Variants in PDE10A observed in about 807,000 individuals in gnomAD.
PDE10A encodes cAMP and cAMP-inhibited cGMP 3',5'-cyclic phosphodiesterase 10A.
A neutral mutation model predicts 97.7 loss-of-function variants in PDE10A; 39 were observed. That is an observed-to-expected ratio of 0.40 (90% CI 0.31 to 0.52). The LOEUF (loss-of-function observed/expected upper bound fraction) is 0.52, where lower values mean the gene tolerates loss of function less well. PDE10A is among the 20% of genes least tolerant of loss of function. The pLI, the probability that PDE10A is intolerant of heterozygous loss-of-function variation, is 0.56. For synonymous variants in PDE10A, 371 were observed against 376.8 expected (o/e 0.98, Z 0.18); for missense variants, 731 against 1,047.8 (o/e 0.70, Z 4.17).
intron 1 of PDE10A, among the ~76,000 whole-genome samples, chr6:165,880,806 T>C (rs1290135579): frequency 6.6e-6 from 1 of 152,236 alleles, no homozygotes; most frequent in Non-Finnish European, 1.5e-5. Context: ...GGCAAAATGC[T>C]ACAAGTGATT....
rs1160540493 is a variant in PDE10A, at chr6:165,662,878, G to A, written c.-67C>T. Among the ~76,000 whole-genome samples, 3 of 150,724 alleles carry A rather than the reference G, an allele frequency of 2.0e-5. No individual in the cohort carries two copies. The highest frequency in any genetic ancestry group is 3.0e-5 in the Non-Finnish European group (2 of 67,420). On this transcript the variant is annotated 5_prime_UTR_variant, in exon 1 of 22. Transcript: ENST00000539869. ...GGGGCGCGGCGGGCCGGGGCTCGGT[G>A]GGCTCCGCCCCCGCAGGACCTGCCC... is the stretch of plus-strand genomic sequence containing the variant.
At chr6:165,942,779 C>G (rs1387809863) in intron 1 of PDE10A, among the ~76,000 whole-genome samples, 1 of 152,114 alleles carries the variant, frequency 6.6e-6, no homozygotes, top group East Asian at 1.9e-4. Context: ...CGACAAGGCC[C>G]TCCAGGAGGA....
At chr6:165,926,726 C>G (rs1212959912) in intron 1 of PDE10A, among the ~76,000 whole-genome samples, 1 of 152,126 alleles carries the variant, frequency 6.6e-6, no homozygotes, top group Non-Finnish European at 1.5e-5. Context: ...GTCAGACAGG[C>G]TGGGCTCCAC....
chr6:165,352,234 TTCTA>T (rs1183262690), intron 18 of PDE10A, among the ~76,000 whole-genome samples: 1 of 152,222 alleles, frequency 6.6e-6, no homozygotes, highest in African/African-American at 2.4e-5. Flanking sequence ...AGTTGCACCT[TTCTA>T]TCTACTTATG....
intron 18 of PDE10A, among the ~76,000 whole-genome samples, chr6:165,378,932 C>T (rs1784774170): frequency 6.6e-6 from 1 of 152,188 alleles, no homozygotes; most frequent in African/African-American, 2.4e-5. Flanking sequence ...CCAGCCTTTC[C>T]TTTGAAAGTT....
rs954488595 is a variant in PDE10A at position 165,655,105 on chromosome 6, C to T, written c.865+6842G>A. 1.3e-5 allele frequency among the ~76,000 whole-genome samples: 2 copies of T among 152,190 alleles called. No homozygotes were observed. Among genetic ancestry groups the T allele is most frequent in the Non-Finnish European group, 2.9e-5 (2 of 68,034 alleles). On this transcript the variant is annotated intron_variant, in intron 1 of 21. Coordinates refer to ENST00000539869, the MANE Select transcript of PDE10A (RefSeq NM_001385079.1). The surrounding 1 kb of genome is among the most constrained non-coding windows in gnomAD (Gnocchi z 4.5). ...GGCCGTCCGTTCGCGTGTCAAACTT[C>T]AGCCAGGCACTTACATTGCACCCAG... is the stretch of plus-strand genomic sequence containing the variant.
At chr6:165,633,179 A>T (rs1293007537) in intron 1 of PDE10A, among the ~76,000 whole-genome samples, 1 of 152,180 alleles carries the variant, frequency 6.6e-6, no homozygotes, top group Non-Finnish European at 1.5e-5. Flanking sequence ...TGGTTTAGAC[A>T]TCTATAAGAT....
At chr6:165,709,264 A>C (rs1216976937) in intron 1 of PDE10A, among the ~76,000 whole-genome samples, 2 of 65,386 alleles carry the variant, frequency 3.1e-5, no homozygotes, top group Non-Finnish European at 5.9e-5. Context: ...CTCCATCCCC[A>C]TGCTGCCACG....
chr6:165,766,359 A>C (rs1391768846), intron 1 of PDE10A, among the ~76,000 whole-genome samples: 1 of 152,256 alleles, frequency 6.6e-6, no homozygotes, highest in East Asian at 1.9e-4. Context: ...ATGTAGTTAC[A>C]TATTGCTTAT....
At chr6:165,381,498 A>T (rs1424467116) in intron 17 of PDE10A, among the ~76,000 whole-genome samples, 1 of 152,138 alleles carries the variant, frequency 6.6e-6, no homozygotes, top group African/African-American at 2.4e-5. Flanking sequence ...TCTTTGAGAC[A>T]GAGTCTCGCT....
rs1783485167 is a variant in PDE10A, at chr6:165,362,488, A to G, written c.2783+16706T>C. On this transcript the variant is annotated intron_variant, in intron 18 of 21. Transcript: ENST00000539869. ...AAAATGGACAAATTTCTAGAAAGAC[A>G]CAAGTGACTAAATATGACATAAGAA... 2.0e-5 allele frequency among the ~76,000 whole-genome samples: 3 copies of G among 152,232 alleles called. No homozygotes were observed. The South Asian group carries it at 6.2e-4, about 31-fold the overall frequency.
chr6:165,400,862 AACT>A (rs913092040), intron 13 of PDE10A, among the ~76,000 whole-genome samples: 18 of 152,356 alleles, frequency 1.2e-4, no homozygotes, highest in African/African-American at 3.6e-4. Context: ...CCATACAATA[AACT>A]ACTACTAAGT....
At chr6:165,842,176 A>G (rs1172344806) in intron 1 of PDE10A, among the ~76,000 whole-genome samples, 1 of 152,256 alleles carries the variant, frequency 6.6e-6, no homozygotes, top group Non-Finnish European at 1.5e-5. Context: ...GACATATTAA[A>G]AACTTGAAAG....
intron 1 of PDE10A, among the ~76,000 whole-genome samples, chr6:165,943,919 C>G (rs1261777060): frequency 6.6e-6 from 1 of 152,236 alleles, no homozygotes; most frequent in African/African-American, 2.4e-5. Context: ...ACCGGCTGCA[C>G]AGCTCTGTGC....
chr6:165,814,191 A>C (rs1779350628), intron 1 of PDE10A, among the ~76,000 whole-genome samples: 1 of 152,168 alleles, frequency 6.6e-6, no homozygotes, highest in Non-Finnish European at 1.5e-5. Context: ...GGGACTGTGG[A>C]CCTGCAGGTG....
chr6:165,969,819 G>T (rs915107362), intron 1 of PDE10A, among the ~76,000 whole-genome samples: 2 of 152,158 alleles, frequency 1.3e-5, no homozygotes, highest in African/African-American at 4.8e-5. Flanking sequence ...ATAAACCATT[G>T]AATAAAATAG....
intron 1 of PDE10A, among the ~76,000 whole-genome samples, chr6:165,659,575 T>C (rs1475460395): frequency 6.6e-6 from 1 of 152,214 alleles, no homozygotes; most frequent in Non-Finnish European, 1.5e-5. Context: ...ATAATTTTGT[T>C]TAAAAGTATC....
intron 1 of PDE10A, among the ~76,000 whole-genome samples, chr6:165,874,177 C>T (rs1056942654): frequency 2.6e-5 from 4 of 152,180 alleles, no homozygotes; most frequent in East Asian, 1.9e-4. Flanking sequence ...TTACAGCTCA[C>T]GTGCAGATCT....
intron 1 of PDE10A, among the ~76,000 whole-genome samples, chr6:165,777,675 G>A (rs1400376630): frequency 6.6e-6 from 1 of 150,884 alleles, no homozygotes; most frequent in African/African-American, 2.5e-5. Context: ...TAAGATCGGC[G>A]GCTGATCTCC....
Sources: allele counts gnomAD v4.1 joint callset (sites outside exome capture counted in the v4.1 genomes callset), GRCh38; gene constraint gnomAD v4.1.1; non-coding constraint Gnocchi (gnomAD v3.1); transcripts MANE v1.5; gene names NCBI Gene and HGNC (gene_info 2026-07-23, HGNC 2026-07-21).